NCOR2: variants seen among roughly 807,000 people sequenced by gnomAD.
The protein encoded by NCOR2 is CTG repeat protein 26.
NCOR2 carries 81 observed loss-of-function variants against 262.9 expected under a neutral mutation model. That is an observed-to-expected ratio of 0.31 (90% confidence interval 0.26 to 0.37). The LOEUF (loss-of-function observed/expected upper bound fraction) is 0.37, where lower values mean the gene tolerates loss of function less well. NCOR2 is among the 10% of genes least tolerant of loss of function. The pLI, the probability that NCOR2 is intolerant of heterozygous loss-of-function variation, is 1.00. For missense variants in NCOR2, 3,385 were observed against 3,621.4 expected, an observed-to-expected ratio of 0.93 and a Z score of 1.68; for synonymous variants, 1,659 against 1,559.3, an observed-to-expected ratio of 1.06 and a Z score of -1.51.
intron 13 of NCOR2, among the ~76,000 whole-genome samples, chr12:124,408,987 G>A (rs1214960036): frequency 6.6e-6 from 1 of 152,182 alleles, no homozygotes; most frequent in African/African-American, 2.4e-5. Context: ...CACGGTGAGA[G>A]GATTTATTTA....
chr12:124,422,874 C>A (rs1417565424), intron 11 of NCOR2, among the ~76,000 whole-genome samples: 1 of 152,216 alleles, frequency 6.6e-6, no homozygotes, highest in African/African-American at 2.4e-5. Flanking sequence ...GGGGTTCCCC[C>A]CCCTTTAAAA....
chr12:124,346,935 T>G, intron 30 of NCOR2, 85 bp from the exon 33 acceptor site: 2 of 1,373,256 alleles, frequency 1.5e-6, no homozygotes, highest in Non-Finnish European at 1.9e-6. Flanking sequence ...CTGGAGCTAG[T>G]CTGCCTGAGT....
chr12:124,486,526 C>A, exon 2 of NCOR2: 1 of 1,600,088 alleles, frequency 6.2e-7, no homozygotes, highest in Non-Finnish European at 8.5e-7. Context: ...AGGTGGGAGG[C>A]ATAGTCGCGG....
At chr12:124,367,504 A>C (rs374067960) in intron 20 of NCOR2, among the ~76,000 whole-genome samples, 10 of 152,218 alleles carry the variant, frequency 6.6e-5, no homozygotes, top group African/African-American at 1.9e-4. Flanking sequence ...GAAGGTGGAA[A>C]ACGCTCAGAG....
chr12:124,349,696 G>A (rs756140069), intron 28 of NCOR2, among the ~76,000 whole-genome samples: 3 of 152,132 alleles, frequency 2.0e-5, no homozygotes, highest in Non-Finnish European at 4.4e-5. Flanking sequence ...AAGACGATAC[G>A]CTGAAGGCCT....
chr12:124,346,916 C>T (rs1168486533), intron 30 of NCOR2, 66 bp from the exon 33 acceptor site: 2 of 1,417,562 alleles, frequency 1.4e-6, no homozygotes, highest in African/African-American at 2.9e-5. Context: ...GCCTCCACAC[C>T]AGTGGGTTCT....
At chr12:124,455,212 CTT>C (rs1193052152) in intron 6 of NCOR2, among the ~76,000 whole-genome samples, 1 of 152,352 alleles carries the variant, frequency 6.6e-6, no homozygotes, top group East Asian at 1.9e-4. Context: ...GAACTGGACA[CTT>C]TGAGTGAATG....
intron 43 of NCOR2, 84 bp downstream of exon 45, chr12:124,332,235 G>A (rs1385110357): frequency 1.5e-5 from 23 of 1,543,708 alleles, no homozygotes; most frequent in Non-Finnish European, 2.0e-5. Context: ...GTGGGTTTCT[G>A]CCACTGGGCG....
At chr12:124,411,866 A>AGGTGG (rs1191479051) in intron 13 of NCOR2, among the ~76,000 whole-genome samples, 1 of 151,418 alleles carries the variant, frequency 6.6e-6, no homozygotes, top group Non-Finnish European at 1.5e-5. Context: ...AGGTTCCGGG[A>AGGTGG]GGTGGGGGCT....
intron 1 of NCOR2, among the ~76,000 whole-genome samples, chr12:124,518,924 G>A (rs973498244): frequency 5.3e-5 from 8 of 152,048 alleles, no homozygotes; most frequent in South Asian, 4.1e-4. Flanking sequence ...TCCCTCCCCC[G>A]TCCTCTGTCC....
chr12:124,390,478 A>ACCCCC (rs34149760), intron 16 of NCOR2, among the ~76,000 whole-genome samples: 51 of 121,196 alleles, frequency 4.2e-4, no homozygotes, highest in African/African-American at 1.4e-3. Context: ...CTCCAAAGTG[A>ACCCCC]CCCCCCCCCG....
At chr12:124,545,370 G>C (rs1349900221) in intron 1 of NCOR2, among the ~76,000 whole-genome samples, 1 of 152,216 alleles carries the variant, frequency 6.6e-6, no homozygotes, top group Non-Finnish European at 1.5e-5. Flanking sequence ...GGCAGCCCCT[G>C]ACCCAGATCT....
intron 3 of NCOR2, among the ~76,000 whole-genome samples, chr12:124,476,207 C>G (rs545163129): frequency 1.3e-4 from 20 of 152,170 alleles, no homozygotes; most frequent in Non-Finnish European, 2.5e-4. Flanking sequence ...CCCAGAGTGC[C>G]CAACACCCCT....
At chr12:124,488,839 G>C (rs1046885195) in intron 1 of NCOR2, among the ~76,000 whole-genome samples, 1 of 152,192 alleles carries the variant, frequency 6.6e-6, no homozygotes, top group Admixed American at 6.5e-5. Flanking sequence ...GCCCGATAGT[G>C]CCCACGGCAG....
chr12:124,554,700 C>T (rs1166716595), intron 1 of NCOR2, among the ~76,000 whole-genome samples: 1 of 152,246 alleles, frequency 6.6e-6, no homozygotes, highest in Non-Finnish European at 1.5e-5. Flanking sequence ...CCACCTTCCA[C>T]GTTCCCACTG....
chr12:124,398,885 C>A (rs1227749695), intron 15 of NCOR2, among the ~76,000 whole-genome samples: 1 of 152,246 alleles, frequency 6.6e-6, no homozygotes. Flanking sequence ...GGAAGGGACA[C>A]AACCTGGCCT....
At chr12:124,459,524 G>A (rs1040981246) in intron 5 of NCOR2, among the ~76,000 whole-genome samples, 10 of 152,014 alleles carry the variant, frequency 6.6e-5, no homozygotes, top group Non-Finnish European at 1.0e-4. Context: ...TCTGGGAGTC[G>A]GCTGTGCTCT....
intron 1 of NCOR2, among the ~76,000 whole-genome samples, chr12:124,551,883 C>A (rs192211641): frequency 1.4e-4 from 21 of 152,328 alleles, no homozygotes; most frequent in African/African-American, 3.8e-4. Context: ...GGAAAGGCCG[C>A]GGCTCCAAGA....
At chr12:124,465,591 G>C (rs1456235427) in intron 5 of NCOR2, among the ~76,000 whole-genome samples, 1 of 152,198 alleles carries the variant, frequency 6.6e-6, no homozygotes, top group East Asian at 1.9e-4. Context: ...CCAGGGCCCA[G>C]TGTCAGTGGA....
Sources: allele counts gnomAD v4.1 joint callset (sites outside exome capture counted in the v4.1 genomes callset), GRCh38; gene constraint gnomAD v4.1.1; transcripts MANE v1.5; gene names NCBI Gene and HGNC (gene_info 2026-07-23, HGNC 2026-07-21).